PHF20: variants seen among roughly 807,000 people sequenced by gnomAD.
The protein encoded by PHF20 is PHD finger protein 20.
In PHF20, 23 loss-of-function variants were observed where a neutral mutation model predicts 113.5. The ratio of observed to expected loss-of-function variants is 0.20; its 90% CI spans 0.15 to 0.29. The LOEUF (loss-of-function observed/expected upper bound fraction) is 0.29, where lower values mean the gene tolerates loss of function less well. Ranked by LOEUF, PHF20 falls within the 10% of genes least tolerant of loss-of-function variation. PHF20 has a pLI of 1.00. For missense variants in PHF20, 943 were observed against 1,219.6 expected, an observed-to-expected ratio of 0.77 and a Z score of 3.38; for synonymous variants, 434 against 457.3, an observed-to-expected ratio of 0.95 and a Z score of 0.65.
chr20:35,851,682 G>A (rs773380771), intron 4 of PHF20, among the ~76,000 whole-genome samples: 13 of 151,602 alleles, frequency 8.6e-5, no homozygotes, highest in Admixed American at 3.3e-4. Context: ...TTGAGGGGCC[G>A]GGGCAGCGGA....
At chr20:35,823,488 G>C (rs1286961767) in intron 2 of PHF20, among the ~76,000 whole-genome samples, 2 of 150,754 alleles carry the variant, frequency 1.3e-5, no homozygotes, top group East Asian at 3.9e-4. Flanking sequence ...GCTGGGTGTG[G>C]TGGTGTGTGT....
intron 2 of PHF20, among the ~76,000 whole-genome samples, chr20:35,811,974 C>T (rs1273307908): frequency 1.3e-5 from 2 of 150,778 alleles, no homozygotes; most frequent in South Asian, 2.1e-4. Flanking sequence ...GGGGTTTCAC[C>T]GTGTTAGCCA....
chr20:35,788,672 T>C (rs2041475901), intron 1 of PHF20, among the ~76,000 whole-genome samples: 1 of 151,652 alleles, frequency 6.6e-6, no homozygotes, highest in Non-Finnish European at 1.5e-5. Flanking sequence ...CCACCTCCCA[T>C]GTTCAAGCGT....
chr20:35,811,931 C>T (rs560739770), intron 2 of PHF20, among the ~76,000 whole-genome samples: 6 of 151,850 alleles, frequency 4.0e-5, no homozygotes, highest in Admixed American at 2.6e-4. Context: ...CCACCACGCC[C>T]GGCTAATTTT....
intron 9 of PHF20, among the ~76,000 whole-genome samples, chr20:35,874,001 T>C (rs1398042639): frequency 3.3e-5 from 5 of 152,382 alleles, no homozygotes; most frequent in African/African-American, 1.2e-4. Flanking sequence ...AGATGGCATT[T>C]CACTCTTGTT....
At chr20:35,850,296 GTTTTTTTTTTTTTTTTT>G (rs554100863) in intron 4 of PHF20, among the ~76,000 whole-genome samples, 1 of 62,322 alleles carries the variant, frequency 1.6e-5, no homozygotes, top group Admixed American at 2.0e-4. Context: ...TTCCCCCTCC[GTTTTTTTTTTTTTTTTT>G]TTTTTTTTTT....
intron 2 of PHF20, among the ~76,000 whole-genome samples, chr20:35,824,228 C>T (rs570117441): frequency 6.6e-6 from 1 of 152,186 alleles, no homozygotes; most frequent in East Asian, 1.9e-4. Flanking sequence ...GCATTGTTGT[C>T]AGCACTTGGT....
rs1327936948 is a variant in PHF20, at chr20:35,938,992, G to A, written c.2596G>A (p.Asp866Asn). 30 of 1,614,128 alleles carry A rather than the reference G, an allele frequency of 1.9e-5. No individual in the cohort carries two copies. Among genetic ancestry groups the A allele is most frequent in the East Asian group, 2.2e-5 (1 of 44,876 alleles). ...GGAGACGAGGGGCTCTGCCCTCGAC[G>A]ATGCGGTCAACCCCCTCCATGAGAA... ...VVETRGSALD[D>N]AVNPLHENGD... The change falls in exon 16 of 18, where the codon GAT becomes AAT. Residue 866 changes from aspartate (D) to asparagine (N), a missense_variant. Physicochemically the swap from Asp to Asn is conservative, Grantham distance 23. Around this residue, in one of 3 missense-constraint regions of PHF20, gnomAD observed 349 missense variants for 412.3 expected, o/e 0.85. Transcript: ENST00000374012.
At position 35,948,169 on chromosome 20, in the gene PHF20, ACT is replaced by A. The variant is rs2056120069; in HGVS notation, c.*545_*546del. 1 of 154,194 alleles carries A rather than the reference ACT, an allele frequency of 6.5e-6. No individual in the cohort carries two copies. The highest frequency in any genetic ancestry group is 2.0e-4 in the South Asian group (1 of 4,978). 9.6% of individuals were successfully genotyped at this position (154,194 alleles called of 1,614,324 possible). A position where few individuals can be genotyped will look rare whatever the true frequency, so the allele number is the denominator to read the frequency against. On this transcript the variant is annotated 3_prime_UTR_variant, in exon 18 of 18. Coordinates refer to ENST00000374012, the MANE Select transcript of PHF20 (RefSeq NM_016436.5). ...TTGGCTGCCCTGCTTTCTCCTTAGG[ACT>A]CTTCACTTTTCTCACCACATCTCTT... is the stretch of plus-strand genomic sequence containing the variant.
At chr20:35,780,192 A>T in intron 1 of PHF20, among the ~76,000 whole-genome samples, 1 of 147,368 alleles carries the variant, frequency 6.8e-6, no homozygotes, top group East Asian at 2.0e-4. Flanking sequence ...ACCAGCACTG[A>T]GGCACTTTGC....
intron 1 of PHF20, among the ~76,000 whole-genome samples, chr20:35,784,881 C>A (rs527712386): frequency 6.6e-6 from 1 of 152,038 alleles, no homozygotes; most frequent in East Asian, 1.9e-4. Flanking sequence ...CAAAACCCCG[C>A]CTCTATAAAA....
intron 6 of PHF20, among the ~76,000 whole-genome samples, chr20:35,867,873 T>C (rs1007305729): frequency 2.0e-5 from 3 of 152,044 alleles, no homozygotes; most frequent in African/African-American, 7.2e-5. Context: ...TCTCTCCTCC[T>C]TTCACCCTTC....
At chr20:35,837,655 T>A (rs771006062) in intron 2 of PHF20, among the ~76,000 whole-genome samples, 6 of 152,240 alleles carry the variant, frequency 3.9e-5, no homozygotes, top group Non-Finnish European at 8.8e-5. Context: ...CCTAATAGTT[T>A]TAAAGCCTAA....
chr20:35,944,474 A>G (rs1344386427), intron 17 of PHF20, among the ~76,000 whole-genome samples: 1 of 152,236 alleles, frequency 6.6e-6, no homozygotes, highest in Admixed American at 6.5e-5. Context: ...GCCTCTCAGC[A>G]ACTGTAGGAT....
intron 2 of PHF20, among the ~76,000 whole-genome samples, chr20:35,803,341 G>C (rs62211715): frequency 6.8e-6 from 1 of 148,126 alleles, no homozygotes; most frequent in East Asian, 1.9e-4. Context: ...TTTTTTTTTG[G>C]AGACAAGAGT....
intron 2 of PHF20, among the ~76,000 whole-genome samples, chr20:35,804,743 GAC>G (rs928683522): frequency 7.2e-5 from 11 of 151,800 alleles, no homozygotes. Context: ...TTTCACCTGA[GAC>G]ACAGTGCTGT....
At chr20:35,928,785 G>A (rs556172163) in intron 14 of PHF20, 3 of 152,316 alleles carry the variant, frequency 2.0e-5, no homozygotes, top group East Asian at 3.9e-4. Context: ...GGCAACATCT[G>A]CCCTTCATCA....
In PHF20 at chr20:35,857,786, A is replaced by G. The variant is rs544689885; in HGVS notation, c.341-516A>G. ...ATTTTTAGTAGAGACAGGTTTCACTATGTTGGCCAGGCTGGTCTCGAACTC... is the reference window on the plus strand; with the variant it reads ...ATTTTTAGTAGAGACAGGTTTCACTGTGTTGGCCAGGCTGGTCTCGAACTC... On this transcript the variant is annotated intron_variant, in intron 4 of 17. Coordinates refer to ENST00000374012, the MANE Select transcript of PHF20 (RefSeq NM_016436.5). Among the ~76,000 whole-genome samples, 8 of 151,992 alleles carry G rather than the reference A, an allele frequency of 5.3e-5. No homozygotes were observed. The East Asian group carries it at 1.2e-3, about 22-fold the overall frequency.
At chr20:35,944,926 C>T (rs2056059955) in intron 17 of PHF20, among the ~76,000 whole-genome samples, 1 of 152,062 alleles carries the variant, frequency 6.6e-6, no homozygotes, top group African/African-American at 2.4e-5. Flanking sequence ...TTTTTAAAGA[C>T]TTACTGGTGT....
Sources: gnomAD v4.1 joint callset for allele counts (sites outside exome capture counted in the v4.1 genomes callset) on GRCh38, gnomAD v4.1.1 for gene constraint, gnomAD v4.1.1 regional missense constraint, MANE v1.5 for transcripts, NCBI Gene and HGNC (gene_info 2026-07-23, HGNC 2026-07-21) for gene names.